The following ASH1L variants were observed in gnomAD, a reference collection of about 807,000 sequenced individuals.
ASH1L encodes histone-lysine N-methyltransferase ASH1L.
A neutral mutation model predicts 269.0 loss-of-function variants in ASH1L; 23 were observed. The observed-to-expected ratio is 0.09, with a 90% CI of 0.06 to 0.12. The LOEUF is 0.12. Ranked by LOEUF, ASH1L falls within the 10% of genes least tolerant of loss-of-function variation. The pLI is 1.00. For missense variants in ASH1L, 2,912 were observed against 3,567.8 expected (o/e 0.82, Z 4.68); for synonymous variants, 1,187 against 1,253.5 (o/e 0.95, Z 1.12).
intron 4 of ASH1L, among the ~76,000 whole-genome samples, chr1:155,444,298 A>T (rs770946027): frequency 6.6e-6 from 1 of 152,104 alleles, no homozygotes; most frequent in Non-Finnish European, 1.5e-5. Context: ...TACTAAATCA[A>T]CTAATTGTAT....
chr1:155,391,327 T>C (rs1481784795), intron 7 of ASH1L, among the ~76,000 whole-genome samples: 1 of 152,238 alleles, frequency 6.6e-6, no homozygotes, highest in Non-Finnish European at 1.5e-5. Flanking sequence ...ATTTTGTGTT[T>C]TAAAATCAGA....
intron 6 of ASH1L, among the ~76,000 whole-genome samples, chr1:155,410,758 T>A (rs1226140925): frequency 6.6e-6 from 1 of 151,838 alleles, no homozygotes; most frequent in African/African-American, 2.4e-5. Context: ...CCTGAGCCAC[T>A]GCGTCTGGCC....
intron 4 of ASH1L, among the ~76,000 whole-genome samples, chr1:155,454,542 C>T (rs1663739224): frequency 6.6e-6 from 1 of 152,058 alleles, no homozygotes; most frequent in African/African-American, 2.4e-5. Context: ...CCGAGGTGGG[C>T]TGATTACTTG....
chr1:155,513,979 C>G (rs1457173852), intron 2 of ASH1L, among the ~76,000 whole-genome samples: 1 of 152,146 alleles, frequency 6.6e-6, no homozygotes, highest in African/African-American at 2.4e-5. Context: ...AAAACGAAAG[C>G]AACTCTGACA....
At chr1:155,504,328 T>C (rs1667687099) in intron 2 of ASH1L, among the ~76,000 whole-genome samples, 1 of 152,128 alleles carries the variant, frequency 6.6e-6, no homozygotes, top group Non-Finnish European at 1.5e-5. Flanking sequence ...GAATCCCCAA[T>C]ATGTGTTACT....
intron 1 of ASH1L, among the ~76,000 whole-genome samples, chr1:155,544,287 C>A (rs1670642973): frequency 6.6e-6 from 1 of 151,448 alleles, no homozygotes; most frequent in African/African-American, 2.4e-5. Flanking sequence ...GTGGAGAAAC[C>A]CCCTTTTTTT....
At chr1:155,530,635 T>C (rs1014289150) in intron 1 of ASH1L, among the ~76,000 whole-genome samples, 4 of 148,750 alleles carry the variant, frequency 2.7e-5, no homozygotes, top group Non-Finnish European at 4.5e-5. Context: ...ACTCAGGAGG[T>C]TGAGGCAGGA....
rs555182463 is a variant in ASH1L, at chr1:155,350,132, C to T, written c.7367-536G>A. Reference sequence around the variant, plus strand: ...TCTCGATCTGACCTCGTGATCTGCCCGCCTCAGCCTCCCAAAGTGCTGGGA... The same window carrying T: ...TCTCGATCTGACCTCGTGATCTGCCTGCCTCAGCCTCCCAAAGTGCTGGGA... On this transcript the variant is annotated intron_variant, in intron 17 of 27. Transcript: ENST00000392403. Among the ~76,000 whole-genome samples, 18 of 151,816 alleles carry T rather than the reference C, an allele frequency of 1.2e-4. No homozygotes were observed. The Middle Eastern group carries it at 0.014, about 116-fold the overall frequency.
At chr1:155,507,833 C>T (rs755242887) in intron 2 of ASH1L, among the ~76,000 whole-genome samples, 4 of 152,168 alleles carry the variant, frequency 2.6e-5, no homozygotes, top group Non-Finnish European at 5.9e-5. Context: ...CATGATCATG[C>T]CACTGCACAG....
At chr1:155,424,393 A>G (rs543692210) in intron 5 of ASH1L, among the ~76,000 whole-genome samples, 129 of 152,062 alleles carry the variant, frequency 8.5e-4, no homozygotes, top group Non-Finnish European at 1.1e-3. Flanking sequence ...TTATTACAGT[A>G]GTACAGTATG....
chr1:155,390,802 C>T (rs750547436), intron 7 of ASH1L, among the ~76,000 whole-genome samples: 19 of 151,974 alleles, frequency 1.3e-4, no homozygotes, highest in Non-Finnish European at 2.5e-4. Flanking sequence ...CCCGCCACCA[C>T]GCCTGGCTAA....
At chr1:155,371,486 C>T (rs1454366153) in intron 10 of ASH1L, among the ~76,000 whole-genome samples, 1 of 152,022 alleles carries the variant, frequency 6.6e-6, no homozygotes, top group African/African-American at 2.4e-5. Flanking sequence ...AGGTGGAGGT[C>T]GCAGTAAGCA....
At chr1:155,558,414 C>T (rs1333455643) in intron 1 of ASH1L, among the ~76,000 whole-genome samples, 2 of 151,828 alleles carry the variant, frequency 1.3e-5, no homozygotes, top group African/African-American at 2.4e-5. Flanking sequence ...GAGGTTGCAG[C>T]GAGCTGAGAT....
At chr1:155,457,097 A>G (rs2148666526) in intron 4 of ASH1L, among the ~76,000 whole-genome samples, 1 of 152,324 alleles carries the variant, frequency 6.6e-6, no homozygotes, top group East Asian at 1.9e-4. Context: ...GGCAACATGG[A>G]GTGGACTCTT....
Position 155,352,750 on chromosome 1 carries a change from G to A in ASH1L, c.7322C>T (p.Ala2441Val). The change falls in exon 17 of 28, where the codon GCC becomes GTC. Residue 2441 changes from alanine (A) to valine (V), a missense_variant. Physicochemically the swap from Ala to Val is moderately conservative, Grantham distance 64 (BLOSUM62 0). This residue lies in a region of ASH1L where 309 missense variants were observed against 435.1 expected (regional missense o/e 0.71). Coordinates refer to ENST00000392403, the MANE Select transcript of ASH1L (RefSeq NM_018489.3). ...NIEVARAARLAQIFKEICDGI... is the reference protein window; with the variant it reads ...NIEVARAARLVQIFKEICDGI... Reference sequence around the variant, plus strand: ...ATCACAAATTTCTTTGAAGATCTGGGCTAGGCGGGCTGCCCGAGCCACTTC... The same window carrying A: ...ATCACAAATTTCTTTGAAGATCTGGACTAGGCGGGCTGCCCGAGCCACTTC... 2 of 1,613,858 alleles carry A rather than the reference G, an allele frequency of 1.2e-6. No homozygotes were observed. Among genetic ancestry groups the A allele is most frequent in the Non-Finnish European group, 1.7e-6 (2 of 1,179,936 alleles).
intron 4 of ASH1L, among the ~76,000 whole-genome samples, chr1:155,454,722 C>T (rs577204979): frequency 9.9e-5 from 15 of 152,126 alleles, no homozygotes; most frequent in Admixed American, 3.3e-4. Flanking sequence ...GAGCTGAGAT[C>T]GTGACACTGC....
chr1:155,528,369 T>C (rs72995157), intron 1 of ASH1L, among the ~76,000 whole-genome samples: 242 of 152,312 alleles, frequency 1.6e-3, no homozygotes, highest in African/African-American at 5.7e-3. Flanking sequence ...ATCTAACCAG[T>C]TGTCATTACT....
chr1:155,378,053 A>C (rs112775942), intron 10 of ASH1L, among the ~76,000 whole-genome samples: 81 of 151,000 alleles, frequency 5.4e-4, no homozygotes, highest in South Asian at 3.3e-3. Flanking sequence ...CAAAACAAAA[A>C]AAACAAACAA....
At chr1:155,365,852 C>T (rs1655373282) in intron 12 of ASH1L, among the ~76,000 whole-genome samples, 1 of 152,122 alleles carries the variant, frequency 6.6e-6, no homozygotes, top group African/African-American at 2.4e-5. Flanking sequence ...CTCTTCTCTA[C>T]CTTGGATACA....
Sources: allele counts gnomAD v4.1 joint callset (sites outside exome capture counted in the v4.1 genomes callset), GRCh38; gene constraint gnomAD v4.1.1; regional missense constraint gnomAD v4.1.1; transcripts MANE v1.5; gene names NCBI Gene and HGNC (gene_info 2026-07-23, HGNC 2026-07-21).